Variants in CFAP299 observed in about 807,000 individuals in gnomAD.
The protein encoded by CFAP299 is cilia and flagella associated protein 299.
In CFAP299, 21 loss-of-function variants were observed where a neutral mutation model predicts 27.0. The observed-to-expected ratio is 0.78, with a 90% confidence interval of 0.55 to 1.12. The LOEUF (loss-of-function observed/expected upper bound fraction) is 1.12, where lower values mean the gene tolerates loss of function less well. Ranked by LOEUF, CFAP299 falls within the 50% of genes most tolerant of loss-of-function variation. CFAP299 has a pLI of 0.00. For synonymous variants in CFAP299, 104 were observed against 98.1 expected (o/e 1.06, Z -0.36); for missense variants, 310 against 276.6 (o/e 1.12, Z -0.86).
chr4:80,494,830 T>G (rs1360038439), intron 2 of CFAP299, among the ~76,000 whole-genome samples: 1 of 152,182 alleles, frequency 6.6e-6, no homozygotes, highest in Non-Finnish European at 1.5e-5. Flanking sequence ...CAAGATACAA[T>G]GGGGGTATAA....
intron 3 of CFAP299, among the ~76,000 whole-genome samples, chr4:80,859,976 A>C (rs1732209589): frequency 6.6e-6 from 1 of 152,120 alleles, no homozygotes; most frequent in Non-Finnish European, 1.5e-5. Flanking sequence ...AGATTGGGGA[A>C]GTTCTCCTGG....
intron 3 of CFAP299, among the ~76,000 whole-genome samples, chr4:80,587,147 G>T (rs960734953): frequency 1.3e-5 from 2 of 152,018 alleles, no homozygotes; most frequent in African/African-American, 4.8e-5. Flanking sequence ...AGAAAATGAA[G>T]GTATTATACA....
At chr4:80,602,144 T>C (rs922534043) in intron 3 of CFAP299, among the ~76,000 whole-genome samples, 2 of 152,032 alleles carry the variant, frequency 1.3e-5, no homozygotes, top group African/African-American at 4.8e-5. Flanking sequence ...TGAAATAATC[T>C]GTATAACAAA....
intron 2 of CFAP299, among the ~76,000 whole-genome samples, chr4:80,447,523 C>T: frequency 6.6e-6 from 1 of 152,076 alleles, no homozygotes; most frequent in Admixed American, 6.5e-5. Context: ...ACCTCCGCCT[C>T]CTGGATTCAA....
At chr4:80,418,094 C>T (rs1030164843) in intron 2 of CFAP299, among the ~76,000 whole-genome samples, 4 of 152,204 alleles carry the variant, frequency 2.6e-5, no homozygotes, top group Non-Finnish European at 4.4e-5. Flanking sequence ...TGTACATACA[C>T]ATTTGCCAGG....
chr4:80,570,824 G>A (rs1164823167), intron 2 of CFAP299, among the ~76,000 whole-genome samples: 1 of 151,898 alleles, frequency 6.6e-6, no homozygotes, highest in African/African-American at 2.4e-5. Context: ...TAGACCCAAA[G>A]GAGAAAGGAT....
At chr4:80,481,161 G>T (rs1432938617) in intron 2 of CFAP299, among the ~76,000 whole-genome samples, 5 of 151,932 alleles carry the variant, frequency 3.3e-5, no homozygotes, top group Admixed American at 1.3e-4. Context: ...TGGATTTTAG[G>T]TCTGAGCAGT....
At chr4:80,713,804 A>G (rs1321695648) in intron 3 of CFAP299, among the ~76,000 whole-genome samples, 1 of 152,234 alleles carries the variant, frequency 6.6e-6, no homozygotes, top group Non-Finnish European at 1.5e-5. Context: ...TAATAAAGTA[A>G]TGGCCTTCAG....
intron 2 of CFAP299, among the ~76,000 whole-genome samples, chr4:80,449,800 C>T (rs1728811162): frequency 6.6e-6 from 1 of 151,664 alleles, no homozygotes; most frequent in South Asian, 2.1e-4. Flanking sequence ...CCAGAAAGGT[C>T]CATAATCTCC....
At position 80,642,758 on chromosome 4, in the gene CFAP299, G is replaced by A. The variant is rs376424353; in HGVS notation, c.333+59575G>A. Reference sequence around the variant, plus strand: ...CAGCCTGGTGACAGAGCCAGATTCCGTCTCAAAAAGAATAAAAAAAGTAAA... The same window carrying A: ...CAGCCTGGTGACAGAGCCAGATTCCATCTCAAAAAGAATAAAAAAAGTAAA... On this transcript the variant is annotated intron_variant, in intron 3 of 5. Coordinates refer to ENST00000358105, the MANE Select transcript of CFAP299 (RefSeq NM_152770.3). Among the ~76,000 whole-genome samples, 13 of 152,182 alleles carry A rather than the reference G, an allele frequency of 8.5e-5. 1 individual carries two copies. The highest frequency in any genetic ancestry group is 2.4e-4 in the African/African-American group (10 of 41,538).
At chr4:80,634,202 T>G (rs1303107746) in intron 3 of CFAP299, among the ~76,000 whole-genome samples, 1 of 152,044 alleles carries the variant, frequency 6.6e-6, no homozygotes, top group Non-Finnish European at 1.5e-5. Flanking sequence ...CAGGCTGGTC[T>G]TGAACTCCTG....
chr4:80,818,595 C>T (rs1482251463), intron 3 of CFAP299, among the ~76,000 whole-genome samples: 1 of 152,064 alleles, frequency 6.6e-6, no homozygotes, highest in African/African-American at 2.4e-5. Flanking sequence ...GATAGTATTA[C>T]ATTCTTTCAA....
chr4:80,449,496 G>A (rs1207826450), intron 2 of CFAP299, among the ~76,000 whole-genome samples: 1 of 151,162 alleles, frequency 6.6e-6, no homozygotes, highest in Non-Finnish European at 1.5e-5. Flanking sequence ...TTTACTTCAA[G>A]GTTTAGAGGG....
intron 2 of CFAP299, among the ~76,000 whole-genome samples, chr4:80,533,546 G>A (rs1475686208): frequency 6.6e-6 from 1 of 152,084 alleles, no homozygotes; most frequent in Non-Finnish European, 1.5e-5. Flanking sequence ...GCAAAACAAA[G>A]CTATTTGGTT....
chr4:80,590,702 A>C (rs1736689829), intron 3 of CFAP299, among the ~76,000 whole-genome samples: 1 of 152,184 alleles, frequency 6.6e-6, no homozygotes, highest in Non-Finnish European at 1.5e-5. Context: ...TGTTTATATA[A>C]AGTTCAAAAA....
At chr4:80,390,730 T>TATATGTATATCTGTATATATACACAC (rs1725358837) in intron 2 of CFAP299, among the ~76,000 whole-genome samples, 1 of 142,934 alleles carries the variant, frequency 7.0e-6, no homozygotes, top group Non-Finnish European at 1.5e-5. Flanking sequence ...CATACATGTA[T>TATATGTATATCTGTATATATACACAC]ATATGTATAT....
chr4:80,539,807 TCTC>T (rs1157379338), intron 2 of CFAP299, among the ~76,000 whole-genome samples: 1 of 152,160 alleles, frequency 6.6e-6, no homozygotes, highest in African/African-American at 2.4e-5. Context: ...TAAAGGTTAT[TCTC>T]CTAGCCTGTC....
At position 80,405,827 on chromosome 4, in the gene CFAP299, CT is replaced by C. The variant is rs144682468; in HGVS notation, c.242+42944del. 8.7e-3 allele frequency among the ~76,000 whole-genome samples: 1,331 copies of C among 152,162 alleles called. 23 individuals are homozygous for C. The highest frequency in any genetic ancestry group is 0.03 in the African/African-American group (1,226 of 41,514). On this transcript the variant is annotated intron_variant, in intron 2 of 5. Coordinates refer to ENST00000358105, the MANE Select transcript of CFAP299 (RefSeq NM_152770.3). ...TAGATGAAATAGATTGTATAATTTT[CT>C]GAAGAGAACATTATTTTTCTTCATT...
chr4:80,927,064 A>C (rs1736344257), intron 4 of CFAP299, among the ~76,000 whole-genome samples: 1 of 152,080 alleles, frequency 6.6e-6, no homozygotes, highest in African/African-American at 2.4e-5. Flanking sequence ...TGCAGTTCAG[A>C]TAGACATACA....
Sources: allele counts gnomAD v4.1 joint callset (sites outside exome capture counted in the v4.1 genomes callset), GRCh38; gene constraint gnomAD v4.1.1; transcripts MANE v1.5; gene names NCBI Gene and HGNC (gene_info 2026-07-23, HGNC 2026-07-21).